Variants in DHRS7C observed in about 807,000 individuals in gnomAD.
DHRS7C encodes dehydrogenase/reductase 7C.
A neutral mutation model predicts 29.6 loss-of-function variants in DHRS7C; 28 were observed. The observed-to-expected ratio is 0.95, with a 90% confidence interval of 0.70 to 1.30. The LOEUF (loss-of-function observed/expected upper bound fraction) is 1.30. DHRS7C is among the 50% of genes most tolerant of loss of function. DHRS7C has a pLI of 0.00. For missense variants in DHRS7C, 403 were observed against 393.3 expected (o/e 1.02, Z -0.21); for synonymous variants, 158 against 160.2 (o/e 0.99, Z 0.10).
rs181991156 is a variant in DHRS7C, at chr17:9,788,027, G to A, written c.154+3104C>T. 2.0e-5 allele frequency among the ~76,000 whole-genome samples: 3 copies of A among 152,112 alleles called. No individual in the cohort carries two copies. The East Asian group carries it at 5.8e-4, about 30-fold the overall frequency. On this transcript the variant is annotated intron_variant, in intron 1 of 5. Transcript: ENST00000571134. The stretch of plus-strand genomic sequence containing the variant: ...GCGACATTTTAAAGGGTGGCCTATG[G>A]GGATTGTAAGATGCTATGGATGGAA...
chr17:9,786,752 G>A (rs1330778542), intron 1 of DHRS7C, among the ~76,000 whole-genome samples: 1 of 152,138 alleles, frequency 6.6e-6, no homozygotes, highest in African/African-American at 2.4e-5. Flanking sequence ...GGTTCAGTGG[G>A]TTGAAATGAA....
At position 9,791,259 on chromosome 17, in the gene DHRS7C, A is replaced by T; in HGVS notation, c.26T>A (p.Leu9His). Residue 9 changes from leucine (L) to histidine (H), a missense_variant, in exon 1 of 6, where the codon CTC becomes CAC. Transcript: ENST00000571134. MGVMAMLM[L>H]PLLLLGISGL... ...GCTGATTCCCAGCAGCAGCAGGGGGAGCATCAGCATGGCCATGACTCCCAT... is the reference window on the plus strand; with the variant it reads ...GCTGATTCCCAGCAGCAGCAGGGGGTGCATCAGCATGGCCATGACTCCCAT... The T allele has an allele frequency of 6.2e-7, 1 of 1,613,674 alleles. No homozygotes were observed. The highest frequency in any genetic ancestry group is 8.5e-7 in the Non-Finnish European group (1 of 1,179,808).
chr17:9,780,076 C>T, intron 2 of DHRS7C, 41 bp from the exon 3 acceptor site: 1 of 1,588,834 alleles, frequency 6.3e-7, no homozygotes, highest in South Asian at 1.1e-5. Flanking sequence ...TGTGAGATCT[C>T]CTCCCTCTTG....
intron 1 of DHRS7C, chr17:9,783,090 A>C (rs952387700): frequency 6.6e-6 from 1 of 152,280 alleles, no homozygotes; most frequent in Non-Finnish European, 1.5e-5. Flanking sequence ...GAAGGCAGAA[A>C]AGGCCAAGAG....
rs1339686843 is a variant in DHRS7C at position 9,781,607 on chromosome 17, A to C, written c.155-13T>G. The stretch of plus-strand genomic sequence containing the variant: ...ACCCGAGCACACTCTGTGGGGAAGA[A>C]GGAAACAGGGCAGGGCACACTGTGT... On this transcript the variant is annotated splice_polypyrimidine_tract_variant and intron_variant, in intron 1 of 5. Transcript: ENST00000571134. 3 of 1,612,740 alleles carry C rather than the reference A, an allele frequency of 1.9e-6. No individual in the cohort carries two copies. Among genetic ancestry groups the C allele is most frequent in the Non-Finnish European group, 2.5e-6 (3 of 1,179,522 alleles).
chr17:9,779,842 G>A lies in DHRS7C; in HGVS notation c.461C>T (p.Pro154Leu), dbSNP rs1460199706. Residue 154 changes from proline (P) to leucine (L), a missense_variant, in exon 3 of 6, where the codon CCC becomes CTC. Coordinates refer to ENST00000571134, the MANE Select transcript of DHRS7C (RefSeq NM_001105571.3). ...KKIMDANYFGPITLTKALLPN... is the reference protein window; with the variant it reads ...KKIMDANYFGLITLTKALLPN... The stretch of plus-strand genomic sequence containing the variant: ...CACGAGACCTTTCGTCAATGTGATG[G>A]GGCCAAAGTAATTGGCATCCATGAT... The A allele has an allele frequency of 2.5e-6, 4 of 1,612,852 alleles. No individual in the cohort carries two copies. Among genetic ancestry groups the A allele is most frequent in the Non-Finnish European group, 3.4e-6 (4 of 1,179,482 alleles).
intron 1 of DHRS7C, 62 bp from the exon 2 acceptor site, chr17:9,781,656 C>A (rs2066394030): frequency 1.5e-5 from 23 of 1,536,002 alleles, no homozygotes; most frequent in Non-Finnish European, 2.0e-5. Flanking sequence ...GACAGTGAAC[C>A]CCCTCTCTTG....
At position 9,775,738 on chromosome 17, in the gene DHRS7C, G is replaced by A. The variant is rs982083658; in HGVS notation, c.571+1455C>T. ...AAGGAAGGTAAAACACTACTAGAGC[G>A]GGTGTTATGGGTTGAATTCTGTTAT... On this transcript the variant is annotated intron_variant, in intron 4 of 5. Transcript: ENST00000571134. This position sits in a 1 kb window ranked among gnomAD's most constrained non-coding sequence, Gnocchi z 4.2. 5.3e-5 allele frequency among the ~76,000 whole-genome samples: 8 copies of A among 152,134 alleles called. No individual in the cohort carries two copies. The highest frequency in any genetic ancestry group is 7.3e-5 in the Non-Finnish European group (5 of 68,030).
intron 1 of DHRS7C, among the ~76,000 whole-genome samples, chr17:9,787,378 G>A (rs1184117346): frequency 4.6e-5 from 7 of 152,004 alleles, no homozygotes; most frequent in Non-Finnish European, 8.8e-5. Context: ...ATTTCCCTTC[G>A]CCACTAACAC....
At chr17:9,791,015 C>G in intron 1 of DHRS7C, 116 bp downstream of exon 1, 1 of 1,263,660 alleles carries the variant, frequency 7.9e-7, no homozygotes, top group African/African-American at 1.5e-5. Context: ...AACACAGGAT[C>G]GATCCCCTCC....
intron 1 of DHRS7C, 125 bp from the exon 2 acceptor site, chr17:9,781,719 G>A (rs767739530): frequency 7.2e-5 from 60 of 838,414 alleles, no homozygotes; most frequent in Middle Eastern, 3.6e-4. Context: ...AGGTCCTTTA[G>A]GGGTCACTTC....
chr17:9,773,121 C>T (rs754678603), intron 4 of DHRS7C, among the ~76,000 whole-genome samples, 199 bp from the exon 5 acceptor site: 55 of 152,284 alleles, frequency 3.6e-4, no homozygotes, highest in South Asian at 4.1e-4. Flanking sequence ...GAACTGAATG[C>T]AGCTTAGCCA....
intron 1 of DHRS7C, among the ~76,000 whole-genome samples, chr17:9,786,089 G>A (rs1421976316): frequency 4.6e-5 from 7 of 151,952 alleles, no homozygotes; most frequent in African/African-American, 9.7e-5. Context: ...TTGGGAGGCC[G>A]AGGCGGGTGG....
chr17:9,788,560 G>T (rs550863997), intron 1 of DHRS7C, among the ~76,000 whole-genome samples: 1 of 152,208 alleles, frequency 6.6e-6, no homozygotes, highest in Admixed American at 6.5e-5. Flanking sequence ...AGGATTCCCC[G>T]CTTGGCCAAA....
intron 4 of DHRS7C, among the ~76,000 whole-genome samples, chr17:9,776,270 G>A (rs1188997952): frequency 1.3e-5 from 2 of 152,186 alleles, no homozygotes; most frequent in Non-Finnish European, 2.9e-5. Flanking sequence ...CACGTGCACA[G>A]AGGAAAGACT....
chr17:9,783,273 G>A (rs1008257630), intron 1 of DHRS7C, among the ~76,000 whole-genome samples: 1 of 152,142 alleles, frequency 6.6e-6, no homozygotes, highest in Non-Finnish European at 1.5e-5. Context: ...GAATTGTTAC[G>A]GCTGCAGAGA....
chr17:9,781,490 G>T lies in DHRS7C; in HGVS notation c.259C>A (p.Pro87Thr), dbSNP rs1283484758. The T allele has an allele frequency of 1.2e-6, 2 of 1,613,832 alleles. No individual in the cohort carries two copies. Among genetic ancestry groups the T allele is most frequent in the Non-Finnish European group, 1.7e-6 (2 of 1,179,870 alleles). Residue 87 changes from proline to threonine, a missense_variant, in exon 2 of 6, where the codon CCC becomes ACC. Physicochemically the swap from Pro to Thr is conservative, Grantham distance 38. Coordinates refer to ENST00000571134, the MANE Select transcript of DHRS7C (RefSeq NM_001105571.3). ...LYDALISVAD[P>T]SKTFTPKLVL... ...CTGCTAGAAGACCTTACCTTGCTGG[G>T]GTCAGCCACGCTGATCAAGGCATCA...
At chr17:9,788,106 G>A (rs1248391127) in intron 1 of DHRS7C, among the ~76,000 whole-genome samples, 1 of 152,200 alleles carries the variant, frequency 6.6e-6, no homozygotes, top group Non-Finnish European at 1.5e-5. Flanking sequence ...GCACCTTTGA[G>A]GTGATAACAC....
intron 5 of DHRS7C, 103 bp downstream of exon 5, chr17:9,772,664 A>G: frequency 7.0e-7 from 1 of 1,430,012 alleles, no homozygotes; most frequent in Non-Finnish European, 9.4e-7. Context: ...CCATCCCCAG[A>G]CTCATGTTTC....
Sources: allele counts gnomAD v4.1 joint callset (sites outside exome capture counted in the v4.1 genomes callset), GRCh38; gene constraint gnomAD v4.1.1; non-coding constraint Gnocchi (gnomAD v3.1); transcripts MANE v1.5; gene names NCBI Gene and HGNC (gene_info 2026-07-23, HGNC 2026-07-21).